Variants in CHCHD6 observed in about 807,000 individuals in gnomAD.
CHCHD6 encodes MICOS complex subunit MIC25.
Under a neutral mutation model 32.3 loss-of-function variants are expected in CHCHD6, and 28 were observed. The observed-to-expected ratio is 0.87, with a 90% CI of 0.64 to 1.19. CHCHD6 has a LOEUF of 1.19. Ranked by LOEUF, CHCHD6 falls within the 50% of genes most tolerant of loss-of-function variation. CHCHD6 has a pLI of 0.00. For synonymous variants in CHCHD6, 122 were observed against 117.5 expected, an observed-to-expected ratio of 1.04 and a Z score of -0.25; for missense variants, 333 against 307.0, an observed-to-expected ratio of 1.08 and a Z score of -0.63.
At chr3:126,788,619 G>A (rs1390782111) in intron 4 of CHCHD6, among the ~76,000 whole-genome samples, 2 of 152,136 alleles carry the variant, frequency 1.3e-5, no homozygotes, top group East Asian at 1.9e-4. Context: ...GTGTAGAAGT[G>A]TTTATAGTAT....
At chr3:126,712,162 T>C (rs1422904626) in intron 1 of CHCHD6, among the ~76,000 whole-genome samples, 2 of 152,216 alleles carry the variant, frequency 1.3e-5, no homozygotes, top group African/African-American at 4.8e-5. Flanking sequence ...TCTGCCTTGG[T>C]GGTTCTGAAA....
intron 4 of CHCHD6, among the ~76,000 whole-genome samples, chr3:126,828,845 A>G (rs528632326): frequency 6.6e-6 from 1 of 152,214 alleles, no homozygotes; most frequent in South Asian, 2.1e-4. Context: ...CTTTCATTCC[A>G]GCTGTTGATC....
intron 5 of CHCHD6, among the ~76,000 whole-genome samples, chr3:126,911,986 G>A (rs956764143): frequency 1.3e-5 from 2 of 152,212 alleles, no homozygotes; most frequent in African/African-American, 4.8e-5. Context: ...AGGCCAGGAT[G>A]AATTGTGGGG....
chr3:126,841,062 A>G (rs1372428712), intron 4 of CHCHD6, among the ~76,000 whole-genome samples: 1 of 148,228 alleles, frequency 6.7e-6, no homozygotes, highest in African/African-American at 2.5e-5. Flanking sequence ...ACCCCACAAC[A>G]GTCCCCAGAG....
intron 5 of CHCHD6, among the ~76,000 whole-genome samples, chr3:126,857,523 G>T (rs1034994573): frequency 6.6e-6 from 1 of 152,062 alleles, no homozygotes; most frequent in Non-Finnish European, 1.5e-5. Context: ...ATCTGATCCC[G>T]AGAGCCCTGC....
intron 4 of CHCHD6, among the ~76,000 whole-genome samples, chr3:126,733,912 T>C (rs1385937555): frequency 2.0e-5 from 3 of 152,174 alleles, no homozygotes; most frequent in Non-Finnish European, 4.4e-5. Context: ...ACTAGCATCA[T>C]CATGGACCTG....
intron 5 of CHCHD6, among the ~76,000 whole-genome samples, chr3:126,887,306 A>C (rs906749123): frequency 1.3e-5 from 2 of 151,868 alleles, no homozygotes; most frequent in African/African-American, 2.4e-5. Flanking sequence ...GCTGAATAGC[A>C]TAGCTGTGAG....
At chr3:126,889,084 G>A (rs1328865877) in intron 5 of CHCHD6, among the ~76,000 whole-genome samples, 2 of 152,194 alleles carry the variant, frequency 1.3e-5, no homozygotes, top group Non-Finnish European at 2.9e-5. Context: ...ACTGCAGAAA[G>A]CCCCAGGTGG....
chr3:126,957,238 G>T (rs534587413), intron 6 of CHCHD6, 178 bp from the exon 7 acceptor site: 2 of 697,426 alleles, frequency 2.9e-6, no homozygotes, highest in Non-Finnish European at 4.8e-6. Context: ...CCCTGCGACC[G>T]TCCTCTCATT....
At chr3:126,896,265 C>T (rs139275436) in intron 5 of CHCHD6, among the ~76,000 whole-genome samples, 9 of 152,236 alleles carry the variant, frequency 5.9e-5, no homozygotes, top group African/African-American at 1.4e-4. Context: ...GCTTTAACCC[C>T]TACACCCTGG....
chr3:126,890,220 A>G (rs1412978328), intron 5 of CHCHD6, among the ~76,000 whole-genome samples: 1 of 152,224 alleles, frequency 6.6e-6, no homozygotes, highest in Non-Finnish European at 1.5e-5. Flanking sequence ...AGCATTTTGC[A>G]GAAATCATCA....
chr3:126,725,406 A>G (rs4679288), intron 1 of CHCHD6, among the ~76,000 whole-genome samples: 69,313 of 152,022 alleles, frequency 0.46, 17,469 homozygotes, highest in African/African-American at 0.68. Flanking sequence ...ATTCAGTAAA[A>G]CATGTTGTAA....
chr3:126,751,076 C>G (rs556918001), intron 4 of CHCHD6, among the ~76,000 whole-genome samples: 13 of 152,004 alleles, frequency 8.6e-5, no homozygotes, highest in Non-Finnish European at 1.6e-4. Context: ...GAGTCACCAC[C>G]GGTAGGGCTG....
intron 4 of CHCHD6, among the ~76,000 whole-genome samples, chr3:126,847,824 C>G (rs1410180432): frequency 6.6e-6 from 1 of 152,096 alleles, no homozygotes; most frequent in Admixed American, 6.5e-5. Flanking sequence ...CCCATCCTCT[C>G]ACCTGCCTTC....
intron 4 of CHCHD6, among the ~76,000 whole-genome samples, chr3:126,792,928 G>A (rs1938621879): frequency 6.6e-6 from 1 of 152,056 alleles, no homozygotes; most frequent in African/African-American, 2.4e-5. Flanking sequence ...CTGTTGTTTG[G>A]TGCATACGCA....
chr3:126,765,981 C>T (rs139716900), intron 4 of CHCHD6, among the ~76,000 whole-genome samples: 21 of 152,194 alleles, frequency 1.4e-4, no homozygotes, highest in Non-Finnish European at 2.1e-4. Context: ...GGAAGCAGGC[C>T]GGTGACTTTG....
intron 6 of CHCHD6, among the ~76,000 whole-genome samples, chr3:126,917,096 AAAGC>A (rs2078182474): frequency 6.6e-6 from 1 of 152,230 alleles, no homozygotes; most frequent in African/African-American, 2.4e-5. Flanking sequence ...ATATCCCCTG[AAAGC>A]AAGGTGGGAT....
At chr3:126,792,334 C>A (rs940951530) in intron 4 of CHCHD6, among the ~76,000 whole-genome samples, 4 of 150,258 alleles carry the variant, frequency 2.7e-5, no homozygotes, top group African/African-American at 9.8e-5. Flanking sequence ...CTGTATTAAA[C>A]CTTTTGAGAA....
chr3:126,875,045 A>G (rs1454859560), intron 5 of CHCHD6, among the ~76,000 whole-genome samples: 1 of 152,192 alleles, frequency 6.6e-6, no homozygotes, highest in Admixed American at 6.5e-5. Context: ...TTTAAGACTC[A>G]GCCTAGCCAT....
Sources: allele counts gnomAD v4.1 joint callset (sites outside exome capture counted in the v4.1 genomes callset), GRCh38; gene constraint gnomAD v4.1.1; transcripts MANE v1.5; gene names NCBI Gene and HGNC (gene_info 2026-07-23, HGNC 2026-07-21).